The following NRCAM variants were observed in gnomAD, a reference collection of about 807,000 sequenced individuals.
The protein encoded by NRCAM is neuronal cell adhesion molecule, also known as NgCAM-related cell adhesion molecule.
In NRCAM, 83 loss-of-function variants were observed where a neutral mutation model predicts 156.5. The observed-to-expected ratio is 0.53, with a 90% CI of 0.44 to 0.64. NRCAM has a LOEUF of 0.64. Among genes scored for constraint, NRCAM ranks in the 30% least tolerant of loss-of-function variants. The probability of loss-of-function intolerance (pLI) is 0.00; values close to 1 mark genes in which losing one functional copy is unlikely to be tolerated. For synonymous variants in NRCAM, 538 were observed against 563.9 expected (o/e 0.95, Z 0.65); for missense variants, 1,417 against 1,597.3 (o/e 0.89, Z 1.92).
chr7:108,252,675 C>T (rs981179557), intron 3 of NRCAM, among the ~76,000 whole-genome samples: 1 of 152,136 alleles, frequency 6.6e-6, no homozygotes, highest in Non-Finnish European at 1.5e-5. Flanking sequence ...TTTCTCTGTC[C>T]ATTTAACTAA....
intron 3 of NRCAM, among the ~76,000 whole-genome samples, chr7:108,298,344 C>T (rs1307503019): frequency 6.6e-6 from 1 of 151,758 alleles, no homozygotes; most frequent in Non-Finnish European, 1.5e-5. Flanking sequence ...CAAAACAACC[C>T]CCTCCCCGCC....
chr7:108,255,776 C>A (rs1229505460), intron 3 of NRCAM, among the ~76,000 whole-genome samples: 2 of 151,586 alleles, frequency 1.3e-5, no homozygotes, highest in Non-Finnish European at 2.9e-5. Flanking sequence ...CTCTGCCCGA[C>A]CGCCACCCCG....
In NRCAM at chr7:108,194,272, T is replaced by G; in HGVS notation, c.1620A>C (p.Leu540Phe). ...KLGMAKNEVH[L>F]EIKDPTWIVK... ...TTACCTCTGCCTTACCTTTGATTTC[T>G]AAGTGAACTTCATTCTTCGCCATCC... The change falls in exon 16 of 33, where the codon TTA (leucine) becomes TTC (phenylalanine). Residue 540 changes from leucine (L) to phenylalanine (F), a missense_variant. Around this residue, in one of 2 missense-constraint regions of NRCAM, gnomAD observed 1,238 missense variants for 1,336.4 expected, o/e 0.93. Coordinates refer to ENST00000379028, the MANE Select transcript of NRCAM (RefSeq NM_001037132.4). The G allele has an allele frequency of 6.2e-7, 1 of 1,611,854 alleles. No homozygotes were observed. The highest frequency in any genetic ancestry group is 1.1e-5 in the South Asian group (1 of 90,954).
intron 30 of NRCAM, among the ~76,000 whole-genome samples, chr7:108,161,991 T>C (rs530422323): frequency 1.8e-4 from 28 of 152,340 alleles, no homozygotes; most frequent in African/African-American, 6.7e-4. Flanking sequence ...ATGATGAAGA[T>C]GAGGACAATG....
intron 11 of NRCAM, among the ~76,000 whole-genome samples, chr7:108,217,032 T>C (rs530414773): frequency 8.2e-5 from 11 of 133,426 alleles, no homozygotes; most frequent in Admixed American, 6.0e-4. Flanking sequence ...TTGTACTGGT[T>C]TTTCCTCATC....
At chr7:108,209,746 A>G (rs2083051856) in intron 11 of NRCAM, 141 bp from the exon 12 acceptor site, 2 of 633,016 alleles carry the variant, frequency 3.2e-6, no homozygotes, top group Non-Finnish European at 5.4e-6. Flanking sequence ...TTAGCACCAC[A>G]CTTTTATAAA....
In NRCAM at chr7:108,255,804, G is replaced by A. The variant is rs558234316; in HGVS notation, c.-106-15634C>T. Among the ~76,000 whole-genome samples the A allele has an allele frequency of 5.3e-4, 79 of 149,420 alleles. No homozygotes were observed. In the East Asian group the frequency reaches 0.013, roughly 25 times the overall value. On this transcript the variant is annotated intron_variant, in intron 3 of 32. Coordinates refer to ENST00000379028, the MANE Select transcript of NRCAM (RefSeq NM_001037132.4). ...CCACCCCGTCTGGGAGGTGAGGAGCGTCTCTGCCGGGCTGCCCCCTCTGAG... is the reference window on the plus strand; with the variant it reads ...CCACCCCGTCTGGGAGGTGAGGAGCATCTCTGCCGGGCTGCCCCCTCTGAG...
At chr7:108,200,049 G>A (rs1484989095) in intron 13 of NRCAM, among the ~76,000 whole-genome samples, 8 of 151,990 alleles carry the variant, frequency 5.3e-5, no homozygotes, top group Admixed American at 3.9e-4. Flanking sequence ...TCATTCCCAA[G>A]GAAAAATGTA....
At chr7:108,451,860 G>A (rs1226191778) in intron 1 of NRCAM, among the ~76,000 whole-genome samples, 1 of 152,194 alleles carries the variant, frequency 6.6e-6, no homozygotes, top group Non-Finnish European at 1.5e-5. Flanking sequence ...AAAATGTTCT[G>A]GAGAGGTATA....
intron 30 of NRCAM, among the ~76,000 whole-genome samples, chr7:108,164,014 A>G (rs13307496): frequency 1.3e-3 from 1 of 772 alleles, no homozygotes; most frequent in Non-Finnish European, 2.8e-3. Context: ...AGGTCATACC[A>G]GGTGGGGTGG....
At chr7:108,315,156 T>C (rs2098889942) in intron 2 of NRCAM, among the ~76,000 whole-genome samples, 1 of 152,212 alleles carries the variant, frequency 6.6e-6, no homozygotes, top group Admixed American at 6.5e-5. Flanking sequence ...CATGCAAAAC[T>C]GTTCTGCCTT....
chr7:108,410,956 C>T (rs1443425576), intron 1 of NRCAM, among the ~76,000 whole-genome samples: 1 of 152,148 alleles, frequency 6.6e-6, no homozygotes, highest in Non-Finnish European at 1.5e-5. Flanking sequence ...TTAATTTGCA[C>T]ACAAAATCAA....
At chr7:108,200,635 T>C (rs2077421472) in intron 13 of NRCAM, among the ~76,000 whole-genome samples, 1 of 151,942 alleles carries the variant, frequency 6.6e-6, no homozygotes, top group Admixed American at 6.6e-5. Flanking sequence ...GGTCATTATA[T>C]AAAAAAGATA....
intron 1 of NRCAM, among the ~76,000 whole-genome samples, chr7:108,427,464 A>C (rs1242649058): frequency 6.6e-6 from 1 of 152,150 alleles, no homozygotes; most frequent in Non-Finnish European, 1.5e-5. Flanking sequence ...TTTCAACTTA[A>C]AGTCAAGTTT....
At chr7:108,443,959 T>C (rs1394834044) in intron 1 of NRCAM, among the ~76,000 whole-genome samples, 1 of 151,910 alleles carries the variant, frequency 6.6e-6, no homozygotes, top group Non-Finnish European at 1.5e-5. Flanking sequence ...GATTCAGATA[T>C]AGATATAGAT....
At chr7:108,316,966 A>G (rs947970967) in intron 2 of NRCAM, among the ~76,000 whole-genome samples, 3 of 151,998 alleles carry the variant, frequency 2.0e-5, no homozygotes, top group Non-Finnish European at 4.4e-5. Flanking sequence ...GGTGTAAGAG[A>G]GCTAATATGT....
chr7:108,170,283 A>G (rs80037488), intron 28 of NRCAM, among the ~76,000 whole-genome samples: 5,615 of 152,280 alleles, frequency 0.037, 353 homozygotes, highest in African/African-American at 0.13. Context: ...GCTAAGTAAA[A>G]TAATCCAGAC....
At chr7:108,161,379 A>G (rs2048848141) in intron 30 of NRCAM, among the ~76,000 whole-genome samples, 1 of 152,236 alleles carries the variant, frequency 6.6e-6, no homozygotes, top group South Asian at 2.1e-4. Context: ...CAGAATAATG[A>G]GCATTTCGGG....
chr7:108,256,165 T>C (rs111638202), intron 3 of NRCAM, among the ~76,000 whole-genome samples: 55,796 of 149,730 alleles, frequency 0.37, 11,590 homozygotes, highest in African/African-American at 0.6. Flanking sequence ...ATGACGGTGG[T>C]GGTTTTGTTG....
Sources: gnomAD v4.1 joint callset for allele counts (sites outside exome capture counted in the v4.1 genomes callset) on GRCh38, gnomAD v4.1.1 for gene constraint, gnomAD v4.1.1 regional missense constraint, MANE v1.5 for transcripts, NCBI Gene and HGNC (gene_info 2026-07-23, HGNC 2026-07-21) for gene names.